DYDC1: variants seen among roughly 807,000 people sequenced by gnomAD.
The protein encoded by DYDC1 is DPY30 domain containing 1.
Under a neutral mutation model 27.9 loss-of-function variants are expected in DYDC1, and 21 were observed. The observed-to-expected ratio is 0.75, with a 90% CI of 0.53 to 1.08. DYDC1 has a LOEUF of 1.08. Among genes scored for constraint, DYDC1 ranks in the 50% least tolerant of loss-of-function variants. The pLI, the probability that DYDC1 is intolerant of heterozygous loss-of-function variation, is 0.00. For missense variants in DYDC1, 202 were observed against 205.9 expected (o/e 0.98, Z 0.12); for synonymous variants, 67 against 65.8 (o/e 1.02, Z -0.09).
At chr10:80,338,739 T>C (rs1216487458) in intron 5 of DYDC1, among the ~76,000 whole-genome samples, 168 bp from the exon 6 acceptor site, 1 of 152,230 alleles carries the variant, frequency 6.6e-6, no homozygotes, top group African/African-American at 2.4e-5. Context: ...TGGTAATGAA[T>C]TGAGTATCCT....
intron 6 of DYDC1, chr10:80,337,391 G>A: frequency 1.0e-6 from 1 of 985,412 alleles, no homozygotes; most frequent in Middle Eastern, 5.2e-4. Flanking sequence ...TCCATTTTCT[G>A]AACAGCTCTT....
intron 1 of DYDC1, among the ~76,000 whole-genome samples, chr10:80,353,666 G>A (rs1054169487): frequency 6.6e-6 from 1 of 150,424 alleles, no homozygotes; most frequent in African/African-American, 2.4e-5. Context: ...CCTGGCTAAC[G>A]GATCTCCTTC....
intron 6 of DYDC1, chr10:80,338,058 G>A: frequency 1.0e-6 from 1 of 982,902 alleles, no homozygotes. Flanking sequence ...TATGGAAGAT[G>A]TGGCATGTTT....
Position 80,337,006 on chromosome 10 carries a change from G to A in DYDC1, c.505-821C>T, listed in dbSNP as rs538574830. Reference sequence around the variant, plus strand: ...CTGCACTTAAGTCCAAAATCCCTAAGGCAACATACAAGACCCAGTGTGCTC... The same window carrying A: ...CTGCACTTAAGTCCAAAATCCCTAAAGCAACATACAAGACCCAGTGTGCTC... On this transcript the variant is annotated intron_variant, in intron 6 of 6. Transcript: ENST00000372202. 3.5e-5 allele frequency: 18 copies of A among 511,964 alleles called. No homozygotes were observed. The Admixed American group carries it at 7.0e-4, about 20-fold the overall frequency. 31.7% of individuals were successfully genotyped at this position (511,964 alleles called of 1,614,324 possible). A position where few individuals can be genotyped will look rare whatever the true frequency, so the allele number is the denominator to read the frequency against.
chr10:80,342,980 C>CAAAAA (rs55665661), intron 3 of DYDC1, among the ~76,000 whole-genome samples: 5 of 93,838 alleles, frequency 5.3e-5, no homozygotes, highest in Admixed American at 1.2e-4. Context: ...GACTCCCTCT[C>CAAAAA]AAAAAAAAAA....
chr10:80,354,752 A>G (rs1371782025), intron 1 of DYDC1, among the ~76,000 whole-genome samples: 1 of 152,106 alleles, frequency 6.6e-6, no homozygotes. Context: ...AAACTAGAAG[A>G]CAGCCACCTG....
chr10:80,348,272 G>A (rs1171048394), intron 3 of DYDC1, among the ~76,000 whole-genome samples: 2 of 152,064 alleles, frequency 1.3e-5, no homozygotes, highest in African/African-American at 2.4e-5. Context: ...TGGTAAACAG[G>A]ATTTAAATTT....
At chr10:80,338,246 T>TAGG (rs1842198844) in intron 6 of DYDC1, 1 of 985,452 alleles carries the variant, frequency 1.0e-6, no homozygotes, top group Non-Finnish European at 1.2e-6. Context: ...AAGTCACAGA[T>TAGG]ACGGAGATAT....
chr10:80,348,352 C>T (rs769647738), intron 3 of DYDC1, among the ~76,000 whole-genome samples: 10 of 152,216 alleles, frequency 6.6e-5, no homozygotes, highest in African/African-American at 1.9e-4. Context: ...TTAGCTTTGG[C>T]TGCAGACTTG....
chr10:80,352,346 T>C, intron 2 of DYDC1, 109 bp downstream of exon 2: 1 of 1,341,344 alleles, frequency 7.5e-7, no homozygotes, highest in Non-Finnish European at 9.7e-7. Context: ...TTTTGTATAA[T>C]AAACATTATT....
intron 3 of DYDC1, among the ~76,000 whole-genome samples, chr10:80,346,450 T>C (rs1054268757): frequency 9.6e-6 from 1 of 103,632 alleles, no homozygotes; most frequent in Non-Finnish European, 1.9e-5. Context: ...CTTTCTTTTT[T>C]TTTTTTTTTT....
intron 4 of DYDC1, 90 bp from the exon 5 acceptor site, chr10:80,339,243 C>G (rs1842236715): frequency 2.0e-6 from 1 of 494,880 alleles, no homozygotes; most frequent in South Asian, 3.9e-5. Flanking sequence ...TTACACAATG[C>G]TATGATGAAT....
intron 3 of DYDC1, among the ~76,000 whole-genome samples, chr10:80,347,331 A>G (rs1448628083): frequency 1.7e-5 from 1 of 60,040 alleles, no homozygotes; most frequent in East Asian, 4.0e-4. Flanking sequence ...TTCCTTATAT[A>G]TTTTGGAGAT....
chr10:80,341,442 CAAAAAAAAAAAAA>C (rs58419721), intron 4 of DYDC1, among the ~76,000 whole-genome samples: 2 of 46,804 alleles, frequency 4.3e-5, no homozygotes, highest in Admixed American at 2.2e-4. Context: ...GACTCTGTCT[CAAAAAAAAAAAAA>C]AAAAAAAAAG....
chr10:80,338,636 A>C, intron 5 of DYDC1, 65 bp from the exon 6 acceptor site: 1 of 1,402,954 alleles, frequency 7.1e-7, no homozygotes, highest in Non-Finnish European at 9.3e-7. Flanking sequence ...CTTTTCTTTC[A>C]ATTTTGATTA....
chr10:80,347,825 T>C (rs1842760657), intron 3 of DYDC1, among the ~76,000 whole-genome samples: 1 of 152,278 alleles, frequency 6.6e-6, no homozygotes, highest in South Asian at 2.1e-4. Context: ...TCTGTTTTTA[T>C]GCCAATACCA....
chr10:80,341,633 A>G (rs1842322381), intron 4 of DYDC1, among the ~76,000 whole-genome samples: 1 of 152,068 alleles, frequency 6.6e-6, no homozygotes, highest in Non-Finnish European at 1.5e-5. Context: ...AACTAGGAAC[A>G]GCTAACTCCT....
chr10:80,352,867 T>C lies in DYDC1; in HGVS notation c.-9-257A>G, dbSNP rs1276745877. 9 of 323,170 alleles carry C rather than the reference T, an allele frequency of 2.8e-5. No individual in the cohort carries two copies. The East Asian group carries it at 4.8e-4, about 17-fold the overall frequency. 20.0% of individuals were successfully genotyped at this position (323,170 alleles called of 1,614,324 possible). A position where few individuals can be genotyped will look rare whatever the true frequency, so the allele number is the denominator to read the frequency against. ...AGTCCAAGAGTCAGAAAAGAGATAT[T>C]ATCATTATTGATTCCAAGTTTACTT... On this transcript the variant is annotated intron_variant, in intron 1 of 6. Coordinates refer to ENST00000372202, the MANE Select transcript of DYDC1 (RefSeq NM_001269053.2).
intron 6 of DYDC1, chr10:80,337,033 G>T: frequency 2.6e-6 from 2 of 779,802 alleles, no homozygotes; most frequent in Non-Finnish European, 1.6e-6. Flanking sequence ...AGTGTGCTCT[G>T]CCTTTATCCA....
Sources: gnomAD v4.1 joint callset for allele counts (sites outside exome capture counted in the v4.1 genomes callset) on GRCh38, gnomAD v4.1.1 for gene constraint, MANE v1.5 for transcripts, NCBI Gene and HGNC (gene_info 2026-07-23, HGNC 2026-07-21) for gene names.